Variants in BRIP1 observed in about 807,000 individuals in gnomAD.
BRIP1 encodes BRCA1 interacting DNA helicase 1.
A neutral mutation model predicts 119.7 loss-of-function variants in BRIP1; 88 were observed. The observed-to-expected ratio is 0.74, with a 90% CI of 0.62 to 0.88. The LOEUF is 0.88. BRIP1 is among the 40% of genes least tolerant of loss of function. BRIP1 has a pLI of 0.00. For synonymous variants in BRIP1, 443 were observed against 496.5 expected, an observed-to-expected ratio of 0.89 and a Z score of 1.43; for missense variants, 1,259 against 1,455.4, an observed-to-expected ratio of 0.87 and a Z score of 2.20.
Position 61,861,516 on chromosome 17 carries a change from AT to A in BRIP1, c.23del (p.Tyr8LeufsTer6). On this transcript the variant is annotated frameshift_variant, in exon 2 of 20. Coordinates refer to ENST00000259008, the MANE Select transcript of BRIP1 (RefSeq NM_032043.3). LOFTEE classifies it high-confidence loss of function. This position sits in a 1 kb window ranked among gnomAD's most constrained non-coding sequence, Gnocchi z 4.5. MSSMWSEYTIGGVKIYFP... is the reference protein window; with the variant it reads MSSMWSEXTIGGVKIYFP... ...AGTAAATCTTCACCCCACCAATTGT[AT>A]ATTCAGACCACATTGAAGACATAGT... 6.2e-7 allele frequency: 1 copy of A among 1,612,712 alleles called. No homozygotes were observed. Among genetic ancestry groups the A allele is most frequent in the Non-Finnish European group, 8.5e-7 (1 of 1,178,828 alleles).
In BRIP1 at chr17:61,683,723, A is replaced by C. The variant is rs2144080142; in HGVS notation, c.3323T>G (p.Val1108Gly). 6.2e-7 allele frequency: 1 copy of C among 1,614,076 alleles called. No homozygotes were observed. Residue 1108 changes from valine to glycine, a missense_variant, in exon 20 of 20, where the codon GTA becomes GGA. Around this residue, in one of 3 missense-constraint regions of BRIP1, gnomAD observed 753 missense variants for 891.8 expected, o/e 0.84. Coordinates refer to ENST00000259008, the MANE Select transcript of BRIP1 (RefSeq NM_032043.3). This position sits in a 1 kb window ranked among gnomAD's most constrained non-coding sequence, Gnocchi z 4.7. The part of the protein sequence containing the change: ...ALDPDIELSL[V>G]SEEDKQSTSN... Reference sequence around the variant, plus strand: ...AGTGGACTGTTTATCTTCTTCACTTACTAGAGACAATTCAATGTCTGGATC... The same window carrying C: ...AGTGGACTGTTTATCTTCTTCACTTCCTAGAGACAATTCAATGTCTGGATC...
rs867698526 is a variant in BRIP1, at chr17:61,713,813, G to A, written c.2492+2138C>T. ...CTGGATTACAGGCTTCAGCTATTGCGCTCCCCATGTCTTCATTTTTAACAG... is the reference window on the plus strand; with the variant it reads ...CTGGATTACAGGCTTCAGCTATTGCACTCCCCATGTCTTCATTTTTAACAG... On this transcript the variant is annotated intron_variant, in intron 17 of 19. Transcript: ENST00000259008. The surrounding 1 kb of genome is among the most constrained non-coding windows in gnomAD (Gnocchi z 4.9). Among the ~76,000 whole-genome samples the A allele has an allele frequency of 1.3e-5, 2 of 151,364 alleles. No individual in the cohort carries two copies. The highest frequency in any genetic ancestry group is 2.1e-4 in the South Asian group (1 of 4,804).
In BRIP1 at chr17:61,744,330, CTCT is replaced by C. The variant is rs2077027643; in HGVS notation, c.2257+99_2257+101del. On this transcript the variant is annotated intron_variant, in intron 15 of 19. Coordinates refer to ENST00000259008, the MANE Select transcript of BRIP1 (RefSeq NM_032043.3). This position sits in a 1 kb window ranked among gnomAD's most constrained non-coding sequence, Gnocchi z 5.0. ...CTTTTCACTCAGGATTATAATTTTTCTCTTAAGTGTAATTCATCTAAAAATATA... is the reference window on the plus strand; with the variant it reads ...CTTTTCACTCAGGATTATAATTTTTCTAAGTGTAATTCATCTAAAAATATA... 7.9e-7 allele frequency: 1 copy of C among 1,265,456 alleles called. No individual in the cohort carries two copies. Among genetic ancestry groups the C allele is most frequent in the African/African-American group, 1.5e-5 (1 of 65,126 alleles). 78.4% of individuals were successfully genotyped at this position (1,265,456 alleles called of 1,614,324 possible). A position where few individuals can be genotyped will look rare whatever the true frequency, so the allele number is the denominator to read the frequency against.
chr17:61,815,873 A>C lies in BRIP1; in HGVS notation c.628-7116T>G, dbSNP rs7208309. Among the ~76,000 whole-genome samples, 580 of 152,350 alleles carry C rather than the reference A, an allele frequency of 3.8e-3. 5 individuals are homozygous for C. Among genetic ancestry groups the C allele is most frequent in the African/African-American group, 0.013 (543 of 41,592 alleles). On this transcript the variant is annotated intron_variant, in intron 6 of 19. Transcript: ENST00000259008. This position sits in a 1 kb window ranked among gnomAD's most constrained non-coding sequence, Gnocchi z 4.1. ...TTTGAGACATAAAAAAGGGTTTTTTAATCTTTATCAACCATTTGCTGTTGT... is the reference window on the plus strand; with the variant it reads ...TTTGAGACATAAAAAAGGGTTTTTTCATCTTTATCAACCATTTGCTGTTGT...
Position 61,824,556 on chromosome 17 carries a change from G to A in BRIP1, c.628-15799C>T, listed in dbSNP as rs1232307991. Among the ~76,000 whole-genome samples, 2 of 152,162 alleles carry A rather than the reference G, an allele frequency of 1.3e-5. No homozygotes were observed. Among genetic ancestry groups the A allele is most frequent in the East Asian group, 3.9e-4 (2 of 5,190 alleles). On this transcript the variant is annotated intron_variant, in intron 6 of 19. Transcript: ENST00000259008. This position sits in a 1 kb window ranked among gnomAD's most constrained non-coding sequence, Gnocchi z 4.3. The stretch of plus-strand genomic sequence containing the variant: ...CAGCAGCCTATCAAGACCATTCAAT[G>A]GGAAAAGAACAGTTTTTTCAACAAA...
chr17:61,694,329 C>A (rs750641192), intron 17 of BRIP1, among the ~76,000 whole-genome samples: 41 of 151,994 alleles, frequency 2.7e-4, no homozygotes, highest in Non-Finnish European at 5.3e-4. Context: ...TTTCATTTAA[C>A]GGGAATCAGA....
chr17:61,860,388 C>G lies in BRIP1; in HGVS notation c.94-481G>C, dbSNP rs549394048. On this transcript the variant is annotated intron_variant, in intron 2 of 19. Coordinates refer to ENST00000259008, the MANE Select transcript of BRIP1 (RefSeq NM_032043.3). This position sits in a 1 kb window ranked among gnomAD's most constrained non-coding sequence, Gnocchi z 4.1. ...GAAACATGCATAAGAAAGTTCACAG[C>G]AGCAGCCACGCTTGTAATCCCATCA... 1.9e-4 allele frequency among the ~76,000 whole-genome samples: 29 copies of G among 152,294 alleles called. No homozygotes were observed. The South Asian group carries it at 5.0e-3, about 26-fold the overall frequency.
At chr17:61,821,302 G>T (rs1457996523) in intron 6 of BRIP1, among the ~76,000 whole-genome samples, 2 of 152,182 alleles carry the variant, frequency 1.3e-5, no homozygotes, top group Non-Finnish European at 2.9e-5. Flanking sequence ...GTGGGAAGGA[G>T]AGGTACTTTC....
rs944122165 is a variant in BRIP1 at position 61,810,017 on chromosome 17, T to G, written c.628-1260A>C. Among the ~76,000 whole-genome samples, 3 of 152,246 alleles carry G rather than the reference T, an allele frequency of 2.0e-5. No individual in the cohort carries two copies. The highest frequency in any genetic ancestry group is 4.4e-5 in the Non-Finnish European group (3 of 68,046). On this transcript the variant is annotated intron_variant, in intron 6 of 19. Transcript: ENST00000259008. The surrounding 1 kb of genome is among the most constrained non-coding windows in gnomAD (Gnocchi z 4.7). ...ATACATGATAGAATGGATGTAAATG[T>G]GACCCTTCTGGAGCTGTCACTCACT...
chr17:61,760,338 A>G lies in BRIP1; in HGVS notation c.2098-15747T>C, dbSNP rs548850103. Among the ~76,000 whole-genome samples the G allele has an allele frequency of 6.6e-6, 1 of 152,094 alleles. No homozygotes were observed. The highest frequency in any genetic ancestry group is 2.4e-5 in the African/African-American group (1 of 41,556). ...AAAGTTTACAATAACAAATGCCTAC[A>G]TCAAAAAAGAAGATCCCAAATAAAT... On this transcript the variant is annotated intron_variant, in intron 14 of 19. Transcript: ENST00000259008. The surrounding 1 kb of genome is among the most constrained non-coding windows in gnomAD (Gnocchi z 4.6).
chr17:61,804,727 A>G lies in BRIP1; in HGVS notation c.919-3253T>C, dbSNP rs2145374877. On this transcript the variant is annotated intron_variant, in intron 7 of 19. Transcript: ENST00000259008. This position sits in a 1 kb window ranked among gnomAD's most constrained non-coding sequence, Gnocchi z 4.5. ...CATAATAATTTCCCCATATATATAT[A>G]TTCAAAATATTTTTGTCTAATAATT... is the stretch of plus-strand genomic sequence containing the variant. 6.6e-6 allele frequency among the ~76,000 whole-genome samples: 1 copy of G among 151,952 alleles called. No individual in the cohort carries two copies. Among genetic ancestry groups the G allele is most frequent in the African/African-American group, 2.4e-5 (1 of 41,504 alleles).
rs780573511 is a variant in BRIP1 at position 61,743,149 on chromosome 17, A to G, written c.2258-15T>C. The G allele has an allele frequency of 2.5e-6, 4 of 1,613,748 alleles. No homozygotes were observed. The Admixed American group carries it at 6.7e-5, about 27-fold the overall frequency. On this transcript the variant is annotated splice_polypyrimidine_tract_variant and intron_variant, in intron 15 of 19. Transcript: ENST00000259008. The surrounding 1 kb of genome is among the most constrained non-coding windows in gnomAD (Gnocchi z 4.3). ...GAGAGCTCCATCTTAAACAACAGAA[A>G]AAAGCATATCCAAAATTCTCAGAAA...
In BRIP1 at chr17:61,857,122, T is replaced by C. The variant is rs1555617827; in HGVS notation, c.315A>G (p.Ser105=). The C allele has an allele frequency of 6.2e-7, 1 of 1,614,048 alleles. No homozygotes were observed. ...FTNNDMNQGT[S]RHFNYPSTPP... The stretch of plus-strand genomic sequence containing the variant: ...GTGTGCTTGGATAGTTGAAATGACG[T>C]GAAGTTCCTTGGTTCATGTCATTGT... The change falls in exon 4 of 20, where the codon TCA becomes TCG. Residue 105 remains serine, a synonymous_variant. Coordinates refer to ENST00000259008, the MANE Select transcript of BRIP1 (RefSeq NM_032043.3). This position sits in a 1 kb window ranked among gnomAD's most constrained non-coding sequence, Gnocchi z 5.1.
intron 17 of BRIP1, among the ~76,000 whole-genome samples, chr17:61,714,780 C>T (rs1207410830): frequency 6.6e-6 from 1 of 151,094 alleles, no homozygotes; most frequent in Non-Finnish European, 1.5e-5. Context: ...TTGTTTTAAC[C>T]CTTCTTCAAT....
At chr17:61,787,637 T>A (rs901584241) in intron 10 of BRIP1, among the ~76,000 whole-genome samples, 13 of 151,598 alleles carry the variant, frequency 8.6e-5, no homozygotes, top group Middle Eastern at 3.4e-3. Flanking sequence ...CTTTTTCTTT[T>A]TTTTATTTTA....
In BRIP1 at chr17:61,813,467, T is replaced by C. The variant is rs1411759454; in HGVS notation, c.628-4710A>G. On this transcript the variant is annotated intron_variant, in intron 6 of 19. Coordinates refer to ENST00000259008, the MANE Select transcript of BRIP1 (RefSeq NM_032043.3). ...TATGACTAAATGTCCCTGAACCAAATACTGTACCCATGCATTACAATTAAA... is the reference window on the plus strand; with the variant it reads ...TATGACTAAATGTCCCTGAACCAAACACTGTACCCATGCATTACAATTAAA... Among the ~76,000 whole-genome samples the C allele has an allele frequency of 2.6e-5, 4 of 152,074 alleles. No individual in the cohort carries two copies. In the East Asian group the frequency reaches 7.7e-4, roughly 29 times the overall value.
At position 61,756,342 on chromosome 17, in the gene BRIP1, A is replaced by G. The variant is rs549540975; in HGVS notation, c.2098-11751T>C. Among the ~76,000 whole-genome samples, 1 of 152,326 alleles carries G rather than the reference A, an allele frequency of 6.6e-6. No homozygotes were observed. Among genetic ancestry groups the G allele is most frequent in the East Asian group, 1.9e-4 (1 of 5,186 alleles). On this transcript the variant is annotated intron_variant, in intron 14 of 19. Coordinates refer to ENST00000259008, the MANE Select transcript of BRIP1 (RefSeq NM_032043.3). The surrounding 1 kb of genome is among the most constrained non-coding windows in gnomAD (Gnocchi z 4.3). The stretch of plus-strand genomic sequence containing the variant: ...CTTAAAGGAAAGTACGATGACACAG[A>G]GCTGTCTCTCAGGTCTTATGGCTTA...
rs2078046332 is a variant in BRIP1 at position 61,804,622 on chromosome 17, C to G, written c.919-3148G>C. On this transcript the variant is annotated intron_variant, in intron 7 of 19. Transcript: ENST00000259008. This position sits in a 1 kb window ranked among gnomAD's most constrained non-coding sequence, Gnocchi z 4.5. ...CAGGCCAGTCTTGAACTCCTGACCT[C>G]AAGTGCCCACCTCAGCCTCCCAGAG... Among the ~76,000 whole-genome samples the G allele has an allele frequency of 6.6e-6, 1 of 151,992 alleles. No individual in the cohort carries two copies. The highest frequency in any genetic ancestry group is 2.4e-5 in the African/African-American group (1 of 41,386).
At position 61,799,693 on chromosome 17, in the gene BRIP1, AC is replaced by A; in HGVS notation, c.1141-395del. Among the ~76,000 whole-genome samples the A allele has an allele frequency of 6.6e-6, 1 of 152,254 alleles. No homozygotes were observed. The highest frequency in any genetic ancestry group is 2.4e-5 in the African/African-American group (1 of 41,544). On this transcript the variant is annotated intron_variant, in intron 8 of 19. Transcript: ENST00000259008. This position sits in a 1 kb window ranked among gnomAD's most constrained non-coding sequence, Gnocchi z 5.1. ...AACAATATAAGATTAAAAGCATAAG[AC>A]CTTTAAAAGTAAAATAACAATACAA...
Sources: gnomAD v4.1 joint callset for allele counts (sites outside exome capture counted in the v4.1 genomes callset) on GRCh38, gnomAD v4.1.1 for gene constraint, gnomAD v4.1.1 regional missense constraint, Gnocchi (gnomAD v3.1) non-coding constraint, MANE v1.5 for transcripts, NCBI Gene and HGNC (gene_info 2026-07-23, HGNC 2026-07-21) for gene names.